ATP13A3: variants seen among roughly 807,000 people sequenced by gnomAD.
The protein encoded by ATP13A3 is ATPase 13A3.
Under a neutral mutation model 158.1 loss-of-function variants are expected in ATP13A3, and 59 were observed. The ratio of observed to expected loss-of-function variants is 0.37; its 90% CI spans 0.30 to 0.46. ATP13A3 has a LOEUF of 0.46. Among genes scored for constraint, ATP13A3 ranks in the 20% least tolerant of loss-of-function variants. The probability of loss-of-function intolerance (pLI) is 1.00; values close to 1 mark genes in which losing one functional copy is unlikely to be tolerated. For missense variants in ATP13A3, 1,166 were observed against 1,525.2 expected (o/e 0.76, Z 3.92); for synonymous variants, 491 against 504.3 (o/e 0.97, Z 0.35).
rs1164913427 is a variant in ATP13A3 at position 194,486,929 on chromosome 3, C to T, written c.-452G>A. On this transcript the variant is annotated 5_prime_UTR_variant, in exon 1 of 34. Coordinates refer to ENST00000645319, the MANE Select transcript of ATP13A3 (RefSeq NM_001367549.1). ...CAGCGACGTAGAGAACCCCCCTCCC[C>T]TCCGCGGCGGCGCCCGATCACGCTG... 6.6e-6 allele frequency: 1 copy of T among 152,188 alleles called. No homozygotes were observed. Among genetic ancestry groups the T allele is most frequent in the Admixed American group, 6.6e-5 (1 of 15,264 alleles). The allele number at this position is 152,188 out of a possible 1,614,324, so 9.4% of individuals were successfully genotyped here.
chr3:194,411,005 C>G (rs2108723471), intron 33 of ATP13A3, among the ~76,000 whole-genome samples: 1 of 151,380 alleles, frequency 6.6e-6, no homozygotes, highest in Admixed American at 6.6e-5. Context: ...ACGACTTGAG[C>G]CCCTTGTACA....
chr3:194,454,566 C>G (rs931735685), intron 8 of ATP13A3, among the ~76,000 whole-genome samples, 174 bp from the exon 9 acceptor site: 1 of 152,162 alleles, frequency 6.6e-6, no homozygotes, highest in South Asian at 2.1e-4. Context: ...CGGTGGCTCA[C>G]GCCTGTAATC....
At chr3:194,419,622 C>T (rs1577032623) in intron 31 of ATP13A3, among the ~76,000 whole-genome samples, 1 of 152,010 alleles carries the variant, frequency 6.6e-6, no homozygotes, top group South Asian at 2.1e-4. Flanking sequence ...GTACCAGGAT[C>T]AACGTTTTTT....
upstream of ATP13A3, among the ~76,000 whole-genome samples, chr3:194,489,248 C>A (rs1806610): frequency 6.6e-6 from 1 of 151,866 alleles, no homozygotes; most frequent in African/African-American, 2.4e-5. The surrounding 1 kb of genome is among the most constrained non-coding windows in gnomAD (Gnocchi z 4.1). Flanking sequence ...AGTTCAAGAC[C>A]AGCCTGACAA....
intron 2 of ATP13A3, among the ~76,000 whole-genome samples, chr3:194,465,215 A>G (rs775814511): frequency 7.9e-5 from 12 of 152,142 alleles, no homozygotes; most frequent in Admixed American, 3.9e-4. Context: ...ACAGGTCACA[A>G]AAAAAGGGAG....
chr3:194,425,193 TA>T, intron 30 of ATP13A3, 148 bp downstream of exon 30: 1 of 814,938 alleles, frequency 1.2e-6, no homozygotes, highest in Non-Finnish European at 1.9e-6. Context: ...CCAATGAAAG[TA>T]AAACAAAACG....
chr3:194,438,713 G>C (rs914160168), intron 17 of ATP13A3, 143 bp downstream of exon 17: 3 of 455,546 alleles, frequency 6.6e-6, no homozygotes, highest in Non-Finnish European at 1.1e-5. Context: ...AAGGTTGAGG[G>C]GGATCATTTG....
intron 33 of ATP13A3, among the ~76,000 whole-genome samples, chr3:194,410,937 G>GGGGTGTGT (rs1359615208): frequency 3.9e-5 from 5 of 127,230 alleles, no homozygotes; most frequent in African/African-American, 1.3e-4. Context: ...GGGGTGTTGG[G>GGGGTGTGT]GTGTGTGTGT....
chr3:194,462,333 C>T (rs1337546160), intron 2 of ATP13A3, 97 bp from the exon 3 acceptor site: 2 of 798,606 alleles, frequency 2.5e-6, no homozygotes, highest in African/African-American at 3.5e-5. Context: ...CAAGGGGTCC[C>T]CAACCCCTGG....
chr3:194,484,551 G>C (rs886760117), intron 2 of ATP13A3, among the ~76,000 whole-genome samples: 1 of 149,568 alleles, frequency 6.7e-6, no homozygotes, highest in Non-Finnish European at 1.5e-5. Context: ...GCAGTGATGG[G>C]GACGCCCTAT....
chr3:194,455,025 A>T (rs1719122536), intron 8 of ATP13A3, among the ~76,000 whole-genome samples: 1 of 152,210 alleles, frequency 6.6e-6, no homozygotes, highest in South Asian at 2.1e-4. Flanking sequence ...AAGTACATTT[A>T]TTTCCAATTA....
chr3:194,406,017 A>G lies in ATP13A3; in HGVS notation c.3673T>C (p.Leu1225=). 1 of 1,614,228 alleles carries G rather than the reference A, an allele frequency of 6.2e-7. No homozygotes were observed. Among genetic ancestry groups the G allele is most frequent in the South Asian group, 1.1e-5 (1 of 91,086 alleles). The stretch of plus-strand genomic sequence containing the variant: ...TTTGGTGGCCATTCTGGATCAACCA[A>G]GAGCTCCTGCGCCAGATACATGTAC... ...AKYMYLAQEL[L]VDPEWPPKPQ... is the part of the protein sequence containing the mutation. The change falls in exon 34 of 34, where the codon TTG becomes CTG. Residue 1225 remains leucine (L), a synonymous_variant. Transcript: ENST00000645319.
chr3:194,405,967 T>C lies in ATP13A3; in HGVS notation c.3723A>G (p.Lys1241=). 6.2e-7 allele frequency: 1 copy of C among 1,614,180 alleles called. No individual in the cohort carries two copies. Among genetic ancestry groups the C allele is most frequent in the Non-Finnish European group, 8.5e-7 (1 of 1,180,038 alleles). The change falls in exon 34 of 34, where the codon AAA becomes AAG. Residue 1241 remains lysine, a synonymous_variant. Transcript: ENST00000645319. ...PPKPQTTTEA[K]ALVKENGSCQ... is the part of the protein sequence containing the mutation. ...ATGATCCATTCTCCTTAACTAAAGC[T>C]TTAGCTTCTGTGGTTGTCTGAGGTT...
intron 1 of ATP13A3, 138 bp from the exon 2 acceptor site, chr3:194,485,973 G>A (rs1720949530): frequency 6.6e-6 from 1 of 152,086 alleles, no homozygotes; most frequent in African/African-American, 2.4e-5. Flanking sequence ...AAAGCCAGAG[G>A]TCATACTTCC....
chr3:194,466,623 C>T lies in ATP13A3; in HGVS notation c.-46-4387G>A, dbSNP rs140625553. On this transcript the variant is annotated intron_variant, in intron 2 of 33. Coordinates refer to ENST00000645319, the MANE Select transcript of ATP13A3 (RefSeq NM_001367549.1). Reference sequence around the variant, plus strand: ...GCTGAGTGAATGGATACATGAGAGTCCATTATACTAGTCTTTCTACTTTTT... The same window carrying T: ...GCTGAGTGAATGGATACATGAGAGTTCATTATACTAGTCTTTCTACTTTTT... Among the ~76,000 whole-genome samples the T allele has an allele frequency of 1.3e-3, 205 of 152,206 alleles. 1 individual carries two copies. The highest frequency in any genetic ancestry group is 4.5e-3 in the African/African-American group (188 of 41,548).
At chr3:194,486,113 G>A (rs1426853404) in intron 1 of ATP13A3, among the ~76,000 whole-genome samples, 1 of 152,150 alleles carries the variant, frequency 6.6e-6, no homozygotes, top group African/African-American at 2.4e-5. Context: ...CGAGTGGGAG[G>A]CCTCAGGCAA....
intron 16 of ATP13A3, among the ~76,000 whole-genome samples, chr3:194,440,868 T>A (rs60594347): frequency 6.6e-6 from 1 of 151,852 alleles, no homozygotes; most frequent in South Asian, 2.1e-4. Flanking sequence ...ATGGCAAAAA[T>A]AGAAGGAAGT....
rs913592329 is a variant in ATP13A3, at chr3:194,421,732, G to C, written c.3314-1765C>G. ...AAAAGTGTTTGGAAAGTGGTGGTTG[G>C]AAGTATATAAAAACAGAAAAGAAAA... On this transcript the variant is annotated intron_variant, in intron 30 of 33. Coordinates refer to ENST00000645319, the MANE Select transcript of ATP13A3 (RefSeq NM_001367549.1). Among the ~76,000 whole-genome samples the C allele has an allele frequency of 2.0e-5, 3 of 151,676 alleles. 1 individual carries two copies.
chr3:194,423,657 C>G (rs542769937), intron 30 of ATP13A3, among the ~76,000 whole-genome samples: 40 of 152,278 alleles, frequency 2.6e-4, no homozygotes, highest in African/African-American at 9.6e-4. Flanking sequence ...TATATTTCTG[C>G]TAAATATAAT....
Sources: gnomAD v4.1 joint callset for allele counts (sites outside exome capture counted in the v4.1 genomes callset) on GRCh38, gnomAD v4.1.1 for gene constraint, Gnocchi (gnomAD v3.1) non-coding constraint, MANE v1.5 for transcripts, NCBI Gene and HGNC (gene_info 2026-07-23, HGNC 2026-07-21) for gene names.